SEPTIN9: variants seen among roughly 807,000 people sequenced by gnomAD.
The protein encoded by SEPTIN9 is septin 9.
Under a neutral mutation model 56.6 loss-of-function variants are expected in SEPTIN9, and 13 were observed. That is an observed-to-expected ratio of 0.23 (90% CI 0.15 to 0.37). The LOEUF (loss-of-function observed/expected upper bound fraction) is 0.37, where lower values mean the gene tolerates loss of function less well. Ranked by LOEUF, SEPTIN9 falls within the 10% of genes least tolerant of loss-of-function variation. SEPTIN9 has a pLI of 1.00. For synonymous variants in SEPTIN9, 332 were observed against 334.1 expected (o/e 0.99, Z 0.07); for missense variants, 650 against 823.1 (o/e 0.79, Z 2.57).
intron 3 of SEPTIN9, among the ~76,000 whole-genome samples, chr17:77,409,794 A>C (rs1480811848): frequency 2.0e-5 from 3 of 152,224 alleles, no homozygotes; most frequent in Non-Finnish European, 4.4e-5. Flanking sequence ...GCGGCCAGAC[A>C]GCCATGCTCT....
At chr17:77,478,815 A>AAAG (rs1167931882) in intron 3 of SEPTIN9, among the ~76,000 whole-genome samples, 4 of 152,172 alleles carry the variant, frequency 2.6e-5, no homozygotes, top group Admixed American at 2.6e-4. Context: ...AAAAAAAAAA[A>AAAG]AAAAAGGGTG....
intron 3 of SEPTIN9, among the ~76,000 whole-genome samples, chr17:77,418,383 C>G (rs2036576950): frequency 6.6e-6 from 1 of 152,138 alleles, no homozygotes; most frequent in East Asian, 1.9e-4. Context: ...TACTCTGTTG[C>G]CCAGGCTGGA....
chr17:77,286,667 CTG>C (rs77214549), intron 1 of SEPTIN9, among the ~76,000 whole-genome samples: 7,372 of 152,342 alleles, frequency 0.048, 210 homozygotes, highest in Middle Eastern at 0.078. Flanking sequence ...CCCCATGTGA[CTG>C]GGACCTAGAG....
At chr17:77,493,223 C>A (rs1568122074) in intron 10 of SEPTIN9, 147 bp downstream of exon 10, 1 of 667,376 alleles carries the variant, frequency 1.5e-6, no homozygotes, top group East Asian at 2.7e-5. Flanking sequence ...CTCCTTGTCC[C>A]CATTCAACCC....
chr17:77,484,447 GGTGGTGGTGGTGATT>G (rs1203447132), intron 4 of SEPTIN9, among the ~76,000 whole-genome samples: 1 of 148,194 alleles, frequency 6.7e-6, no homozygotes, highest in East Asian at 2.0e-4. Flanking sequence ...TGGTGGTGAT[GGTGGTGGTGGTGATT>G]GTGGTGGTGG....
intron 2 of SEPTIN9, among the ~76,000 whole-genome samples, chr17:77,388,549 C>T (rs182681246): frequency 5.9e-5 from 9 of 152,328 alleles, no homozygotes; most frequent in African/African-American, 9.6e-5. Flanking sequence ...CCCAGCTTGG[C>T]GCGCTTTGGA....
chr17:77,285,847 C>G (rs2031252111), intron 1 of SEPTIN9, among the ~76,000 whole-genome samples: 1 of 152,234 alleles, frequency 6.6e-6, no homozygotes, highest in African/African-American at 2.4e-5. Flanking sequence ...ATTCAGTGTG[C>G]TGGCTCGCCG....
intron 2 of SEPTIN9, chr17:77,376,132 A>G: frequency 2.0e-6 from 2 of 986,818 alleles, no homozygotes; most frequent in Non-Finnish European, 2.4e-6. Context: ...TTGGATTGCA[A>G]GAGGAAGGAG....
Position 77,373,251 on chromosome 17 carries a change from G to A in SEPTIN9, c.77-28808G>A, listed in dbSNP as rs1374372187. The A allele has an allele frequency of 2.6e-6, 3 of 1,138,786 alleles. No individual in the cohort carries two copies. In the African/African-American group the frequency reaches 4.9e-5, roughly 19 times the overall value. The allele number at this position is 1,138,786 out of a possible 1,614,324, so 70.5% of individuals were successfully genotyped here. ...AGTGCGAGACAGGGAGGCCGGTGCG[G>A]GTGCGGGAACCTGATCCGCCCGGGA... On this transcript the variant is annotated intron_variant, in intron 2 of 11. Coordinates refer to ENST00000427177, the MANE Select transcript of SEPTIN9 (RefSeq NM_001113491.2).
At chr17:77,290,758 TGAGCCGA>T (rs1219243411) in intron 1 of SEPTIN9, among the ~76,000 whole-genome samples, 1 of 149,848 alleles carries the variant, frequency 6.7e-6, no homozygotes, top group African/African-American at 2.4e-5. Flanking sequence ...GAGCTTGCAG[TGAGCCGA>T]GATTGCGCCA....
At chr17:77,478,462 C>G (rs2039312866) in intron 3 of SEPTIN9, among the ~76,000 whole-genome samples, 2 of 152,290 alleles carry the variant, frequency 1.3e-5, no homozygotes, top group African/African-American at 4.8e-5. Flanking sequence ...TTCACAGTAG[C>G]CAGCGGGTAG....
In SEPTIN9 at chr17:77,402,796, TG is replaced by T. The variant is rs368252731; in HGVS notation, c.721+97del. 1.1e-3 allele frequency: 1,518 copies of T among 1,346,522 alleles called. 14 individuals are homozygous for T. In the African/African-American group the frequency reaches 0.018, roughly 16 times the overall value. 83.4% of individuals were successfully genotyped at this position (1,346,522 alleles called of 1,614,324 possible). The stretch of plus-strand genomic sequence containing the variant: ...GAATCTTGGAGGAAGAAGCTGGATA[TG>T]GGGTGGAGGGTGCTACCCTGGAGAC... On this transcript the variant is annotated intron_variant, in intron 3 of 11. Coordinates refer to ENST00000427177, the MANE Select transcript of SEPTIN9 (RefSeq NM_001113491.2). This position sits in a 1 kb window ranked among gnomAD's most constrained non-coding sequence, Gnocchi z 6.6.
At chr17:77,365,774 C>A (rs534250182) in intron 2 of SEPTIN9, among the ~76,000 whole-genome samples, 1 of 152,204 alleles carries the variant, frequency 6.6e-6, no homozygotes, top group East Asian at 1.9e-4. Flanking sequence ...CATGGAGCCG[C>A]GGTCCACAGA....
chr17:77,413,940 CTTTT>C (rs202194441), intron 3 of SEPTIN9, among the ~76,000 whole-genome samples: 2,717 of 125,738 alleles, frequency 0.022, 79 homozygotes, highest in South Asian at 0.088. Flanking sequence ...TCAGTATTTT[CTTTT>C]TTTTTTTTTT....
chr17:77,477,204 G>A (rs2039251127), intron 3 of SEPTIN9, among the ~76,000 whole-genome samples: 1 of 151,086 alleles, frequency 6.6e-6, no homozygotes, highest in South Asian at 2.1e-4. Flanking sequence ...GATTCAGAAA[G>A]CACAGTTGAG....
At position 77,475,389 on chromosome 17, in the gene SEPTIN9, G is replaced by C. The variant is rs1364991356; in HGVS notation, c.722-6755G>C. The stretch of plus-strand genomic sequence containing the variant: ...GCAGGCACCCAGGGAGATAGGAGAG[G>C]AGGAGGGAGCAGCCCTGGCCGGACA... On this transcript the variant is annotated intron_variant, in intron 3 of 11. Transcript: ENST00000427177. The surrounding 1 kb of genome is among the most constrained non-coding windows in gnomAD (Gnocchi z 4.6). 6 of 1,444,970 alleles carry C rather than the reference G, an allele frequency of 4.2e-6. No individual in the cohort carries two copies. The African/African-American group carries it at 5.9e-5, about 14-fold the overall frequency. 89.5% of individuals were successfully genotyped at this position (1,444,970 alleles called of 1,614,324 possible).
At chr17:77,350,558 G>A (rs1489201295) in intron 2 of SEPTIN9, among the ~76,000 whole-genome samples, 1 of 152,020 alleles carries the variant, frequency 6.6e-6, no homozygotes, top group African/African-American at 2.4e-5. Context: ...CCCGTCACTC[G>A]CTAGAGCTCT....
At chr17:77,484,971 G>GT (rs2039667332) in intron 4 of SEPTIN9, among the ~76,000 whole-genome samples, 2 of 104,528 alleles carry the variant, frequency 1.9e-5, no homozygotes, top group Non-Finnish European at 3.8e-5. Context: ...GTGGTGAAGG[G>GT]GGTGATGGTG....
rs993782072 is a variant in SEPTIN9, at chr17:77,500,353, C to A, written c.*1695C>A. 5 of 216,076 alleles carry A rather than the reference C, an allele frequency of 2.3e-5. No homozygotes were observed. Among genetic ancestry groups the A allele is most frequent in the East Asian group, 6.7e-5 (1 of 14,832 alleles). The allele number at this position is 216,076 out of a possible 1,614,324, so 13.4% of individuals were successfully genotyped here. A position where few individuals can be genotyped will look rare whatever the true frequency, so the allele number is the denominator to read the frequency against. On this transcript the variant is annotated 3_prime_UTR_variant, in exon 12 of 12. Transcript: ENST00000427177. The stretch of plus-strand genomic sequence containing the variant: ...CAGCGCCAGGGCCCAGGCCATGTGG[C>A]CTGCCCAGCCTCAATGTCACTTGGT...
Sources: allele counts gnomAD v4.1 joint callset (sites outside exome capture counted in the v4.1 genomes callset), GRCh38; gene constraint gnomAD v4.1.1; non-coding constraint Gnocchi (gnomAD v3.1); transcripts MANE v1.5; gene names NCBI Gene and HGNC (gene_info 2026-07-23, HGNC 2026-07-21).